The following MDN1 variants were observed in gnomAD, a reference collection of about 807,000 sequenced individuals.
MDN1 encodes midasin.
In MDN1, 266 loss-of-function variants were observed where a neutral mutation model predicts 669.2. The observed-to-expected ratio is 0.40, with a 90% CI of 0.36 to 0.44. MDN1 has a LOEUF of 0.44. Ranked by LOEUF, MDN1 falls within the 20% of genes least tolerant of loss-of-function variation. The pLI, the probability that MDN1 is intolerant of heterozygous loss-of-function variation, is 1.00. For synonymous variants in MDN1, 2,385 were observed against 2,457.1 expected, an observed-to-expected ratio of 0.97 and a Z score of 0.87; for missense variants, 5,940 against 6,754.0, an observed-to-expected ratio of 0.88 and a Z score of 4.22.
chr6:89,645,266 A>G (rs549465715), intron 100 of MDN1, 109 bp from the exon 101 acceptor site: 9 of 1,219,038 alleles, frequency 7.4e-6, no homozygotes, highest in Non-Finnish European at 1.0e-5. Context: ...TGTACTATTA[A>G]AGCTAAACAG....
chr6:89,804,571 T>C lies in MDN1; in HGVS notation c.103-1017A>G, dbSNP rs553213007. Among the ~76,000 whole-genome samples, 19 of 152,244 alleles carry C rather than the reference T, an allele frequency of 1.2e-4. No homozygotes were observed. In the South Asian group the frequency reaches 3.7e-3, roughly 30 times the overall value. On this transcript the variant is annotated intron_variant, in intron 1 of 101. Coordinates refer to ENST00000369393, the MANE Select transcript of MDN1 (RefSeq NM_014611.3). Reference sequence around the variant, plus strand: ...AGAAAAAAATGAATTCTGCAGTTAGTAGACAAAACTTCCAACTCTTCAGGA... The same window carrying C: ...AGAAAAAAATGAATTCTGCAGTTAGCAGACAAAACTTCCAACTCTTCAGGA...
chr6:89,701,495 T>G, intron 55 of MDN1, 63 bp downstream of exon 55: 1 of 1,586,326 alleles, frequency 6.3e-7, no homozygotes, highest in Admixed American at 1.8e-5. Context: ...GTTCCCAAGT[T>G]CCAAAAGGAC....
intron 5 of MDN1, among the ~76,000 whole-genome samples, chr6:89,790,965 G>A (rs763280532): frequency 6.6e-6 from 1 of 152,236 alleles, no homozygotes; most frequent in Non-Finnish European, 1.5e-5. Context: ...GGAGGTTGCA[G>A]TGGGCCAAGA....
rs1002401857 is a variant in MDN1 at position 89,754,221 on chromosome 6, T to C, written c.2826A>G (p.Thr942=). Residue 942 remains threonine (T), a synonymous_variant, in exon 21 of 102, where the codon ACA becomes ACG. Transcript: ENST00000369393. ...NTVQGIINFY[T]ALRKESGTKL... ...TGGTCCCAGACTCTTTCCGCAAAGCTGTGTAGAAGCTACAAATAGAATAAA... is the reference window on the plus strand; with the variant it reads ...TGGTCCCAGACTCTTTCCGCAAAGCCGTGTAGAAGCTACAAATAGAATAAA... 4 of 1,613,430 alleles carry C rather than the reference T, an allele frequency of 2.5e-6. No individual in the cohort carries two copies. Among genetic ancestry groups the C allele is most frequent in the South Asian group, 2.2e-5 (2 of 90,994 alleles).
rs773922319 is a variant in MDN1 at position 89,652,313 on chromosome 6, C to T, written c.15826-32G>A. The T allele has an allele frequency of 1.6e-5, 25 of 1,588,246 alleles. No individual in the cohort carries two copies. The East Asian group carries it at 4.7e-4, about 30-fold the overall frequency. On this transcript the variant is annotated intron_variant, in intron 94 of 101. Transcript: ENST00000369393. ...AGAAAAAGCCATAGATAAGAGGTGG[C>T]CCAGGTTGGAATCACCAACTTAGTA...
chr6:89,715,873 C>T (rs898654992), intron 44 of MDN1, 104 bp from the exon 45 acceptor site: 59 of 764,900 alleles, frequency 7.7e-5, no homozygotes, highest in Middle Eastern at 3.0e-4. Context: ...CATTTCCTTT[C>T]GGCACAATCA....
At chr6:89,773,564 G>A (rs1390053103) in intron 13 of MDN1, among the ~76,000 whole-genome samples, 1 of 149,726 alleles carries the variant, frequency 6.7e-6, no homozygotes, top group African/African-American at 2.5e-5. Flanking sequence ...AAGAAGAGAA[G>A]AAAAGAAATA....
chr6:89,653,704 A>C (rs1809045749), intron 93 of MDN1, among the ~76,000 whole-genome samples: 1 of 152,210 alleles, frequency 6.6e-6, no homozygotes, highest in South Asian at 2.1e-4. Context: ...ATTGCTGATG[A>C]AGCTATTTTT....
chr6:89,672,294 C>T lies in MDN1; in HGVS notation c.13700G>A (p.Ser4567Asn). 5.0e-6 allele frequency: 8 copies of T among 1,613,268 alleles called. No homozygotes were observed. Among genetic ancestry groups the T allele is most frequent in the Non-Finnish European group, 6.8e-6 (8 of 1,179,866 alleles). ...LLEDDFWADV[S>N]TLHVQKIISA... ...AATTATTTTCTGCACGTGCAAAGTGCTCACATCGGCCCAGAAGTCATCCTC... is the reference window on the plus strand; with the variant it reads ...AATTATTTTCTGCACGTGCAAAGTGTTCACATCGGCCCAGAAGTCATCCTC... Residue 4567 changes from serine to asparagine, a missense_variant, in exon 82 of 102, where the codon AGC becomes AAC. Coordinates refer to ENST00000369393, the MANE Select transcript of MDN1 (RefSeq NM_014611.3).
intron 73 of MDN1, 42 bp from the exon 74 acceptor site, chr6:89,680,793 C>A (rs771763840): frequency 6.3e-7 from 1 of 1,595,664 alleles, no homozygotes; most frequent in Admixed American, 1.7e-5. Flanking sequence ...CCAAGAATGA[C>A]AGGCAGTGTC....
chr6:89,819,577 C>A lies in MDN1; in HGVS notation c.31G>T (p.Ala11Ser), dbSNP rs767217084. 2 of 1,602,746 alleles carry A rather than the reference C, an allele frequency of 1.2e-6. No homozygotes were observed. Among genetic ancestry groups the A allele is most frequent in the Non-Finnish European group, 1.7e-6 (2 of 1,179,964 alleles). Residue 11 changes from alanine (A) to serine (S), a missense_variant, in exon 1 of 102, where the codon GCG becomes TCG. By Grantham distance (99) the Ala-to-Ser change is moderately conservative. Coordinates refer to ENST00000369393, the MANE Select transcript of MDN1 (RefSeq NM_014611.3). MEHFLLEVAA[A>S]PLRLIAAKNE... ...TTGGCTGCGATTAACCGCAGCGGCG[C>A]GGCTGCCACCTCCAGCAAGAAGTGC...
Position 89,819,596 on chromosome 6 carries a change from G to A in MDN1, c.12C>T (p.Phe4=). Residue 4 remains phenylalanine (F), a synonymous_variant, in exon 1 of 102, where the codon TTC becomes TTT. Transcript: ENST00000369393. MEH[F]LLEVAAAPLR... ...GCGGCGCGGCTGCCACCTCCAGCAAGAAGTGCTCCATGACCCAGGGCCCTC... is the reference window on the plus strand; with the variant it reads ...GCGGCGCGGCTGCCACCTCCAGCAAAAAGTGCTCCATGACCCAGGGCCCTC... The A allele has an allele frequency of 1.2e-6, 2 of 1,601,652 alleles. No individual in the cohort carries two copies. The highest frequency in any genetic ancestry group is 2.2e-5 in the South Asian group (2 of 91,084).
At chr6:89,763,636 A>C (rs1040506051) in intron 15 of MDN1, among the ~76,000 whole-genome samples, 4 of 152,190 alleles carry the variant, frequency 2.6e-5, no homozygotes, top group African/African-American at 9.6e-5. Flanking sequence ...GAAGAATGAG[A>C]TAAATCTTAT....
At chr6:89,811,053 T>C (rs1212691793) in intron 1 of MDN1, among the ~76,000 whole-genome samples, 1 of 152,204 alleles carries the variant, frequency 6.6e-6, no homozygotes, top group Non-Finnish European at 1.5e-5. Flanking sequence ...CATTTCCAAA[T>C]AGGGTCACAT....
Position 89,643,898 on chromosome 6 carries a change from A to T in MDN1, c.*107T>A, listed in dbSNP as rs555455231. On this transcript the variant is annotated 3_prime_UTR_variant, in exon 102 of 102. Transcript: ENST00000369393. ...GGCTGTAAGATCACGTTGTAAAATA[A>T]AAATATTACAATAAAATTTTTTGTA... is the stretch of plus-strand genomic sequence containing the variant. The T allele has an allele frequency of 1.0e-6, 1 of 983,638 alleles. No homozygotes were observed. The highest frequency in any genetic ancestry group is 1.4e-6 in the Non-Finnish European group (1 of 696,426). The allele number at this position is 983,638 out of a possible 1,614,324, so 60.9% of individuals were successfully genotyped here. A position where few individuals can be genotyped will look rare whatever the true frequency, so the allele number is the denominator to read the frequency against.
chr6:89,809,465 T>C (rs532447651), intron 1 of MDN1, among the ~76,000 whole-genome samples: 3 of 151,960 alleles, frequency 2.0e-5, no homozygotes, highest in African/African-American at 7.2e-5. Flanking sequence ...ACCCCATCTC[T>C]ACAAATAATA....
At chr6:89,789,620 C>T (rs1376181620) in intron 7 of MDN1, among the ~76,000 whole-genome samples, 160 bp downstream of exon 7, 1 of 152,118 alleles carries the variant, frequency 6.6e-6, no homozygotes, top group Non-Finnish European at 1.5e-5. Context: ...AATTCAGGAC[C>T]GCAAATCAGA....
At chr6:89,785,447 GA>G (rs1347084077) in intron 8 of MDN1, among the ~76,000 whole-genome samples, 5 of 152,154 alleles carry the variant, frequency 3.3e-5, no homozygotes, top group African/African-American at 4.8e-5. Flanking sequence ...ATAACTTCAG[GA>G]AAGAGAAAGC....
intron 61 of MDN1, among the ~76,000 whole-genome samples, chr6:89,694,631 C>T (rs1297939679): frequency 6.6e-6 from 1 of 152,092 alleles, no homozygotes; most frequent in African/African-American, 2.4e-5. Context: ...GCAGGCTTGA[C>T]CCCGCAGGCT....
Sources: allele counts gnomAD v4.1 joint callset (sites outside exome capture counted in the v4.1 genomes callset), GRCh38; gene constraint gnomAD v4.1.1; transcripts MANE v1.5; gene names NCBI Gene and HGNC (gene_info 2026-07-23, HGNC 2026-07-21).